ZHX2: variants seen among roughly 807,000 people sequenced by gnomAD.
ZHX2 encodes zinc fingers and homeoboxes 2.
A neutral mutation model predicts 21.9 loss-of-function variants in ZHX2; 6 were observed. The ratio of observed to expected loss-of-function variants is 0.27; its 90% confidence interval spans 0.15 to 0.54. ZHX2 has a LOEUF of 0.54. ZHX2 is among the 20% of genes least tolerant of loss of function. The pLI, the probability that ZHX2 is intolerant of heterozygous loss-of-function variation, is 0.95. For synonymous variants in ZHX2, 434 were observed against 437.1 expected, an observed-to-expected ratio of 0.99 and a Z score of 0.09; for missense variants, 908 against 1,090.7, an observed-to-expected ratio of 0.83 and a Z score of 2.36.
intron 2 of ZHX2, among the ~76,000 whole-genome samples, chr8:122,874,581 C>T (rs1460066116): frequency 6.6e-6 from 1 of 152,180 alleles, no homozygotes; most frequent in African/African-American, 2.4e-5. Flanking sequence ...GATCCGCCTA[C>T]CTCGGCCTCC....
Position 122,953,736 on chromosome 8 carries a change from G to T in ZHX2, c.2226G>T (p.Leu742Phe). 6.2e-7 allele frequency: 1 copy of T among 1,614,252 alleles called. No homozygotes were observed. The highest frequency in any genetic ancestry group is 8.5e-7 in the Non-Finnish European group (1 of 1,180,052). The change falls in exon 3 of 4, where the codon TTG (leucine) becomes TTT (phenylalanine). Residue 742 changes from leucine (L) to phenylalanine (F), a missense_variant. By Grantham distance (22) the Leu-to-Phe change is conservative. Around this residue, in one of 4 missense-constraint regions of ZHX2, gnomAD observed 431 missense variants for 428.6 expected, o/e 1.01. Transcript: ENST00000314393. The surrounding 1 kb of genome is among the most constrained non-coding windows in gnomAD (Gnocchi z 4.6). ...CCAAAAAGCTCTGCGAAGAGGACTT[G>T]GAGAAGTTGGTGACCAGGGTAAAAG... ...KDPKKLCEED[L>F]EKLVTRVKVG...
intron 3 of ZHX2, among the ~76,000 whole-genome samples, chr8:122,954,589 A>G (rs1328381417): frequency 6.6e-6 from 1 of 152,196 alleles, no homozygotes; most frequent in African/African-American, 2.4e-5. Context: ...GATTACAGGC[A>G]TGAGCCACTG....
intron 3 of ZHX2, among the ~76,000 whole-genome samples, chr8:122,968,703 G>A (rs1185999875): frequency 2.0e-5 from 3 of 151,968 alleles, no homozygotes; most frequent in Admixed American, 6.5e-5. Context: ...GCCAGGCATG[G>A]TAGTGAGCGC....
chr8:122,938,490 T>A (rs1001439920), intron 2 of ZHX2, among the ~76,000 whole-genome samples: 1 of 151,664 alleles, frequency 6.6e-6, no homozygotes, highest in Non-Finnish European at 1.5e-5. Flanking sequence ...AGGAGACGGA[T>A]GAGAAGAGCC....
intron 3 of ZHX2, among the ~76,000 whole-genome samples, chr8:122,971,655 C>A (rs1027887368): frequency 3.5e-5 from 5 of 142,244 alleles, no homozygotes; most frequent in African/African-American, 1.3e-4. Context: ...GCTTTCTCAG[C>A]CAAACAGCCT....
chr8:122,887,283 G>A, intron 2 of ZHX2, among the ~76,000 whole-genome samples: 1 of 152,118 alleles, frequency 6.6e-6, no homozygotes, highest in Non-Finnish European at 1.5e-5. Flanking sequence ...GGAGGCCGAG[G>A]TGGGTGGATC....
intron 1 of ZHX2, among the ~76,000 whole-genome samples, chr8:122,833,519 C>T (rs533748031): frequency 1.3e-5 from 2 of 151,842 alleles, no homozygotes; most frequent in South Asian, 2.1e-4. Context: ...CTACGGGCGG[C>T]GGATAAGGAG....
chr8:122,850,308 T>G (rs1040684868), intron 1 of ZHX2, among the ~76,000 whole-genome samples: 21 of 151,770 alleles, frequency 1.4e-4, no homozygotes, highest in African/African-American at 5.1e-4. Flanking sequence ...TCAGTGATGC[T>G]GCTTCTCACT....
rs142844494 is a variant in ZHX2, at chr8:122,955,650, A to T, written c.*4+1622A>T. On this transcript the variant is annotated intron_variant, in intron 3 of 3. Transcript: ENST00000314393. ...CTTTCTCCTCCCACTTGCAGGAGGA[A>T]ATGCCTGTGTGTCAAGGGTGTGGGC... Among the ~76,000 whole-genome samples, 8 of 152,144 alleles carry T rather than the reference A, an allele frequency of 5.3e-5. No individual in the cohort carries two copies. The East Asian group carries it at 1.6e-3, about 30-fold the overall frequency.
chr8:122,969,738 G>A (rs1201432842), intron 3 of ZHX2, among the ~76,000 whole-genome samples: 1 of 152,102 alleles, frequency 6.6e-6, no homozygotes, highest in Non-Finnish European at 1.5e-5. Flanking sequence ...CAAAAAAAAT[G>A]TTATGGAGAG....
intron 2 of ZHX2, among the ~76,000 whole-genome samples, chr8:122,890,648 A>G (rs989168920): frequency 8.6e-5 from 13 of 151,878 alleles, no homozygotes; most frequent in African/African-American, 2.7e-4. Flanking sequence ...TTAGTGTTCT[A>G]TTGTTTTCAT....
chr8:122,879,151 C>T (rs1243344297), intron 2 of ZHX2, among the ~76,000 whole-genome samples: 1 of 152,216 alleles, frequency 6.6e-6, no homozygotes, highest in East Asian at 1.9e-4. Flanking sequence ...GAAAGGCAGT[C>T]TGCCTAGAAA....
At chr8:122,873,162 T>C (rs976266594) in intron 2 of ZHX2, among the ~76,000 whole-genome samples, 24 of 152,190 alleles carry the variant, frequency 1.6e-4, no homozygotes, top group Admixed American at 1.2e-3. Flanking sequence ...ATGTAAGTCC[T>C]GCACTGCCTT....
intron 2 of ZHX2, among the ~76,000 whole-genome samples, chr8:122,902,544 G>T (rs180852421): frequency 1.3e-5 from 2 of 152,268 alleles, no homozygotes; most frequent in Admixed American, 1.3e-4. Flanking sequence ...CATAGAAAGG[G>T]CTATCTTACA....
chr8:122,876,207 CGACACT>C (rs1342149872), intron 2 of ZHX2, among the ~76,000 whole-genome samples: 1 of 144,326 alleles, frequency 6.9e-6, no homozygotes, highest in East Asian at 2.3e-4. Flanking sequence ...CCCACATCTT[CGACACT>C]GACAACTGGG....
intron 2 of ZHX2, among the ~76,000 whole-genome samples, chr8:122,924,611 C>G (rs1164289509): frequency 6.6e-6 from 1 of 152,116 alleles, no homozygotes; most frequent in Non-Finnish European, 1.5e-5. Flanking sequence ...CAGGTCATAA[C>G]CCAGGCCTGG....
chr8:122,876,150 C>T (rs1586351407), intron 2 of ZHX2, among the ~76,000 whole-genome samples: 2 of 150,884 alleles, frequency 1.3e-5, no homozygotes, highest in Non-Finnish European at 3.0e-5. Context: ...TGATCCCTCC[C>T]TCCCTCCCTC....
chr8:122,849,307 T>C (rs948656576), intron 1 of ZHX2, among the ~76,000 whole-genome samples: 5 of 152,196 alleles, frequency 3.3e-5, no homozygotes, highest in African/African-American at 1.2e-4. Context: ...GCTCTGCTAC[T>C]CACTTGCTGT....
At chr8:122,806,475 A>G (rs1336914265) in intron 1 of ZHX2, among the ~76,000 whole-genome samples, 1 of 152,272 alleles carries the variant, frequency 6.6e-6, no homozygotes, top group Non-Finnish European at 1.5e-5. Context: ...AACGCTGCCC[A>G]GAACACGGTG....
Sources: gnomAD v4.1 joint callset for allele counts (sites outside exome capture counted in the v4.1 genomes callset) on GRCh38, gnomAD v4.1.1 for gene constraint, gnomAD v4.1.1 regional missense constraint, Gnocchi (gnomAD v3.1) non-coding constraint, MANE v1.5 for transcripts, NCBI Gene and HGNC (gene_info 2026-07-23, HGNC 2026-07-21) for gene names.